Variants in CD36 observed in about 807,000 individuals in gnomAD.
CD36 encodes platelet glycoprotein 4.
Under a neutral mutation model 55.2 loss-of-function variants are expected in CD36, and 119 were observed. The ratio of observed to expected loss-of-function variants is 2.15; its 90% CI spans 1.86 to 2.51. CD36 has a LOEUF of 2.51. Ranked by LOEUF, CD36 falls within the 30% of genes most tolerant of loss-of-function variation. CD36 has a pLI of 0.00. For missense variants in CD36, 819 were observed against 555.5 expected, an observed-to-expected ratio of 1.47 and a Z score of -4.77; for synonymous variants, 186 against 193.6, an observed-to-expected ratio of 0.96 and a Z score of 0.33.
upstream of CD36, among the ~76,000 whole-genome samples, chr7:80,637,639 A>G (rs185045392): frequency 1.3e-5 from 2 of 151,906 alleles, no homozygotes; most frequent in African/African-American, 4.8e-5. Context: ...ATGCCCAAAA[A>G]GGACAGCACG....
chr7:80,623,825 G>T (rs1793604018), intron 1 of CD36: 1 of 152,228 alleles, frequency 6.6e-6, no homozygotes, highest in South Asian at 2.1e-4. Context: ...AGAAAGTAGG[G>T]ATATCCCTGG....
chr7:80,663,886 A>G (rs1796760938), intron 6 of CD36, among the ~76,000 whole-genome samples: 2 of 152,178 alleles, frequency 1.3e-5, no homozygotes, highest in Admixed American at 6.5e-5. Context: ...ACAAGGTTAT[A>G]TATCAATTAT....
intron 8 of CD36, among the ~76,000 whole-genome samples, chr7:80,668,746 CAAG>C: frequency 6.6e-6 from 1 of 152,258 alleles, no homozygotes; most frequent in South Asian, 2.1e-4. Context: ...TTACTTGTCA[CAAG>C]AGTGTAAACT....
intron 1 of CD36, among the ~76,000 whole-genome samples, chr7:80,609,604 A>G (rs1032839561): frequency 3.3e-5 from 5 of 152,214 alleles, no homozygotes; most frequent in African/African-American, 4.8e-5. Flanking sequence ...CAAACTAAGA[A>G]TACTTTAGGA....
intron 9 of CD36, 198 bp from the exon 10 acceptor site, chr7:80,670,779 C>CA: frequency 1.7e-6 from 1 of 573,326 alleles, no homozygotes; most frequent in South Asian, 2.2e-5. Flanking sequence ...CATGGTACTT[C>CA]ACAAACAAGA....
chr7:80,664,355 C>A, intron 6 of CD36, 51 bp from the exon 7 acceptor site: 1 of 985,070 alleles, frequency 1.0e-6, no homozygotes, highest in Non-Finnish European at 1.6e-6. Flanking sequence ...TATTGTACAA[C>A]TTTGAAAAAA....
At position 80,656,552 on chromosome 7, in the gene CD36, G is replaced by A. The variant is rs763504892; in HGVS notation, c.133G>A (p.Glu45Lys). ...TTCTTTTTCATAGCAAGTTGTCCTC[G>A]AAGAAGGTACAATTGCTTTTAAAAA... ...QKTIKKQVVL[E>K]EGTIAFKNWV... Residue 45 changes from glutamate to lysine, a missense_variant, in exon 4 of 15, where the codon GAA becomes AAA. Transcript: ENST00000447544. 1.4e-5 allele frequency: 23 copies of A among 1,613,344 alleles called. No homozygotes were observed. The highest frequency in any genetic ancestry group is 5.5e-5 in the South Asian group (5 of 91,056).
At chr7:80,606,524 C>T (rs1280710388) in intron 1 of CD36, among the ~76,000 whole-genome samples, 1 of 152,132 alleles carries the variant, frequency 6.6e-6, no homozygotes, top group African/African-American at 2.4e-5. Context: ...CACCTAATGC[C>T]TCTCAATGAT....
intron 4 of CD36, among the ~76,000 whole-genome samples, chr7:80,657,531 T>G (rs1196545424): frequency 6.6e-6 from 1 of 152,204 alleles, no homozygotes; most frequent in Non-Finnish European, 1.5e-5. Flanking sequence ...TCTGTCATTT[T>G]GTGAGTTAAA....
intron 1 of CD36, among the ~76,000 whole-genome samples, chr7:80,608,233 T>A (rs1792675932): frequency 6.6e-6 from 1 of 152,220 alleles, no homozygotes; most frequent in African/African-American, 2.4e-5. Flanking sequence ...TAAATTTTAA[T>A]AGCTATTTAT....
chr7:80,664,562 T>A (rs1796857105), intron 7 of CD36, 65 bp downstream of exon 7: 3 of 894,602 alleles, frequency 3.4e-6, no homozygotes, highest in Non-Finnish European at 3.8e-6. Context: ...ATAGTATTCA[T>A]TTAACATCTC....
intron 1 of CD36, among the ~76,000 whole-genome samples, chr7:80,611,136 G>A (rs1792856141): frequency 6.6e-6 from 1 of 151,960 alleles, no homozygotes; most frequent in African/African-American, 2.4e-5. Context: ...TCCCTCTTGG[G>A]CCCCACAAAC....
rs892076865 is a variant in CD36, at chr7:80,661,192, T to C, written c.411T>C (p.Val137=). 1 of 1,614,054 alleles carries C rather than the reference T, an allele frequency of 6.2e-7. No homozygotes were observed. The highest frequency in any genetic ancestry group is 1.3e-5 in the African/African-American group (1 of 75,044). The part of the protein sequence containing the change: ...SVGTEADNFT[V]LNLAVAAASH... ...GAACAGAGGCTGACAACTTCACAGT[T>C]CTCAATCTGGCTGTGGCAGTGAGTA... Residue 137 remains valine (V), a synonymous_variant, in exon 5 of 15, where the codon GTT becomes GTC. Coordinates refer to ENST00000447544, the MANE Select transcript of CD36 (RefSeq NM_001001548.3).
intron 1 of CD36, among the ~76,000 whole-genome samples, chr7:80,619,159 C>A (rs938922013): frequency 1.3e-5 from 2 of 152,158 alleles, no homozygotes; most frequent in African/African-American, 4.8e-5. Flanking sequence ...AACAACAAAG[C>A]CTGGATGCCA....
chr7:80,626,900 T>C (rs1341117597), intron 1 of CD36, among the ~76,000 whole-genome samples: 1 of 152,062 alleles, frequency 6.6e-6, no homozygotes, highest in Non-Finnish European at 1.5e-5. Context: ...TTTTACACTG[T>C]ATATAAACTA....
intron 12 of CD36, chr7:80,673,128 A>C (rs1447590228): frequency 3.9e-6 from 2 of 516,954 alleles, no homozygotes; most frequent in Non-Finnish European, 6.8e-6. Flanking sequence ...CAGTTCCCCG[A>C]GAATTTATTG....
chr7:80,672,543 A>T (rs540792774), intron 11 of CD36, among the ~76,000 whole-genome samples: 1 of 151,696 alleles, frequency 6.6e-6, no homozygotes, highest in African/African-American at 2.4e-5. Context: ...GTAACTCACA[A>T]ATCTAACTAA....
intron 1 of CD36, among the ~76,000 whole-genome samples, chr7:80,641,538 A>C (rs1794811946): frequency 6.6e-6 from 1 of 152,048 alleles, no homozygotes; most frequent in South Asian, 2.1e-4. Flanking sequence ...TCCTAAGAAA[A>C]AGTGGGAGGA....
intron 3 of CD36, among the ~76,000 whole-genome samples, chr7:80,651,997 T>C (rs904041431): frequency 6.6e-6 from 1 of 152,144 alleles, no homozygotes; most frequent in African/African-American, 2.4e-5. Context: ...GCTTCTAGTA[T>C]TTCCAGATAT....
Sources: gnomAD v4.1 joint callset for allele counts (sites outside exome capture counted in the v4.1 genomes callset) on GRCh38, gnomAD v4.1.1 for gene constraint, MANE v1.5 for transcripts, NCBI Gene and HGNC (gene_info 2026-07-23, HGNC 2026-07-21) for gene names.